ZNF131: variants seen among roughly 807,000 people sequenced by gnomAD.
ZNF131 encodes the protein zinc finger and BTB domain containing 35, also known as zinc finger protein 131.
In ZNF131, 7 loss-of-function variants were observed where a neutral mutation model predicts 60.0. That is an observed-to-expected ratio of 0.12 (90% confidence interval 0.07 to 0.22). The LOEUF is 0.22. Ranked by LOEUF, ZNF131 falls within the 10% of genes least tolerant of loss-of-function variation. The pLI is 1.00. For missense variants in ZNF131, 493 were observed against 740.9 expected, an observed-to-expected ratio of 0.67 and a Z score of 3.88; for synonymous variants, 257 against 253.2, an observed-to-expected ratio of 1.01 and a Z score of -0.14.
chr5:43,154,296 C>A (rs1274412186), intron 4 of ZNF131, among the ~76,000 whole-genome samples: 1 of 152,058 alleles, frequency 6.6e-6, no homozygotes, highest in African/African-American at 2.4e-5. Flanking sequence ...CACCTGTAAT[C>A]TCAGCTACTT....
chr5:43,168,506 A>T (rs189724161), intron 5 of ZNF131, among the ~76,000 whole-genome samples: 1 of 152,322 alleles, frequency 6.6e-6, no homozygotes, highest in East Asian at 1.9e-4. Context: ...CTTGGCCATC[A>T]TATGGGAGAT....
At chr5:43,129,216 A>C (rs1451921006) in intron 3 of ZNF131, among the ~76,000 whole-genome samples, 1 of 152,204 alleles carries the variant, frequency 6.6e-6, no homozygotes, top group East Asian at 1.9e-4. Context: ...TATTGCAGGC[A>C]TGAGCCACCA....
chr5:43,137,017 A>G (rs1312019131), intron 3 of ZNF131, among the ~76,000 whole-genome samples: 1 of 152,204 alleles, frequency 6.6e-6, no homozygotes, highest in Non-Finnish European at 1.5e-5. Context: ...ACATGAAAAA[A>G]GATGAAATTG....
chr5:43,141,093 T>C (rs1746768331), intron 4 of ZNF131, among the ~76,000 whole-genome samples: 1 of 152,160 alleles, frequency 6.6e-6, no homozygotes, highest in Admixed American at 6.5e-5. Flanking sequence ...TCCATAAATA[T>C]CATCTCTTAG....
At chr5:43,151,258 C>T (rs1174216842) in intron 4 of ZNF131, among the ~76,000 whole-genome samples, 1 of 152,124 alleles carries the variant, frequency 6.6e-6, no homozygotes, top group Non-Finnish European at 1.5e-5. Context: ...GGGAAAACTG[C>T]CCACGGGATG....
Position 43,136,476 on chromosome 5 carries a change from CTTTTT to C in ZNF131, c.227-2663_227-2659del, listed in dbSNP as rs70991484. Among the ~76,000 whole-genome samples, 595 of 69,972 alleles carry C rather than the reference CTTTTT, an allele frequency of 8.5e-3. 8 individuals carry two copies. Among genetic ancestry groups the C allele is most frequent in the African/African-American group, 0.031 (570 of 18,218 alleles). 45.9% of individuals were successfully genotyped at this position (69,972 alleles called of 152,430 possible). A position where few individuals can be genotyped will look rare whatever the true frequency, so the allele number is the denominator to read the frequency against. ...AAAGAACAAAGCTAGAGGCATCATA[CTTTTT>C]TTTTTTTTTTTTTTTTTTTTTTTTT... On this transcript the variant is annotated intron_variant, in intron 3 of 6. Coordinates refer to ENST00000682664, the MANE Select transcript of ZNF131 (RefSeq NM_001330707.2).
intron 4 of ZNF131, among the ~76,000 whole-genome samples, chr5:43,142,506 G>A (rs1234146847): frequency 4.6e-5 from 7 of 151,788 alleles, no homozygotes; most frequent in Admixed American, 2.0e-4. Flanking sequence ...GTGTTTCACC[G>A]TCTTGGCCAG....
chr5:43,142,079 C>CA lies in ZNF131; in HGVS notation c.371+2771dup, dbSNP rs1487137874. 2.0e-5 allele frequency among the ~76,000 whole-genome samples: 3 copies of CA among 151,544 alleles called. No individual in the cohort carries two copies. The East Asian group carries it at 6.0e-4, about 30-fold the overall frequency. ...TTTTTGGCCTGGGCACGGTGGCTCA[C>CA]ACCTGTAATCCCAGCACTTTGGAAG... On this transcript the variant is annotated intron_variant, in intron 4 of 6. Coordinates refer to ENST00000682664, the MANE Select transcript of ZNF131 (RefSeq NM_001330707.2).
At chr5:43,174,384 G>A (rs900556867) in intron 6 of ZNF131, 63 bp from the exon 7 acceptor site, 152 of 1,353,588 alleles carry the variant, frequency 1.1e-4, no homozygotes, top group Non-Finnish European at 1.5e-4. Context: ...GAGAATAAAT[G>A]CATTCATATT....
chr5:43,139,122 G>T, intron 3 of ZNF131, 43 bp from the exon 4 acceptor site: 1 of 1,428,332 alleles, frequency 7.0e-7, no homozygotes, highest in South Asian at 1.7e-5. Context: ...TGTAAGATTT[G>T]AGTCAATATG....
Position 43,147,740 on chromosome 5 carries a change from A to T in ZNF131, c.371+8431A>T, listed in dbSNP as rs76522884. On this transcript the variant is annotated intron_variant, in intron 4 of 6. Coordinates refer to ENST00000682664, the MANE Select transcript of ZNF131 (RefSeq NM_001330707.2). Reference sequence around the variant, plus strand: ...CCGGCCAGTTTGGAAGTTTAAAAAAAAAAAAAACAGTTTGGAAGTTTTTTG... The same window carrying T: ...CCGGCCAGTTTGGAAGTTTAAAAAATAAAAAAACAGTTTGGAAGTTTTTTG... 1.0e-2 allele frequency among the ~76,000 whole-genome samples: 1,512 copies of T among 151,382 alleles called. 102 individuals carry two copies. In the East Asian group the frequency reaches 0.18, roughly 18 times the overall value.
intron 3 of ZNF131, among the ~76,000 whole-genome samples, chr5:43,134,214 G>T (rs1745724911): frequency 6.6e-6 from 1 of 152,152 alleles, no homozygotes; most frequent in African/African-American, 2.4e-5. Flanking sequence ...TGCAAGGATA[G>T]TTCAACATAG....
chr5:43,157,290 T>G (rs1042774669), intron 4 of ZNF131, among the ~76,000 whole-genome samples: 5 of 152,330 alleles, frequency 3.3e-5, no homozygotes, highest in African/African-American at 1.2e-4. Context: ...AAGCATTATG[T>G]TCTCCCCTCA....
rs374035038 is a variant in ZNF131 at position 43,156,788 on chromosome 5, G to A, written c.372-4461G>A. Among the ~76,000 whole-genome samples the A allele has an allele frequency of 2.4e-4, 36 of 152,166 alleles. 1 individual carries two copies. The South Asian group carries it at 6.2e-3, about 26-fold the overall frequency. On this transcript the variant is annotated intron_variant, in intron 4 of 6. Coordinates refer to ENST00000682664, the MANE Select transcript of ZNF131 (RefSeq NM_001330707.2). The stretch of plus-strand genomic sequence containing the variant: ...GCAGTGGCTCACGCCCATAATCCTA[G>A]AACTTTGAGAGGCCAAGGTGGGAGG...
At chr5:43,134,323 C>A (rs1315400767) in intron 3 of ZNF131, among the ~76,000 whole-genome samples, 1 of 152,120 alleles carries the variant, frequency 6.6e-6, no homozygotes, top group Non-Finnish European at 1.5e-5. Flanking sequence ...AAATTTAATA[C>A]CCTTTCTCAG....
At chr5:43,159,828 T>C (rs866348174) in intron 4 of ZNF131, among the ~76,000 whole-genome samples, 68 of 152,222 alleles carry the variant, frequency 4.5e-4, no homozygotes, top group Admixed American at 6.5e-5. Context: ...AAATCTATTT[T>C]ATCAATTTTT....
In ZNF131 at chr5:43,162,942, T is replaced by A. The variant is rs369826945; in HGVS notation, c.1054+1011T>A. Among the ~76,000 whole-genome samples the A allele has an allele frequency of 5.6e-4, 60 of 107,916 alleles. No homozygotes were observed. The East Asian group carries it at 0.011, about 19-fold the overall frequency. The allele number at this position is 107,916 out of a possible 152,430, so 70.8% of individuals were successfully genotyped here. On this transcript the variant is annotated intron_variant, in intron 5 of 6. Transcript: ENST00000682664. ...AAAAAAAAAAAAGCAATCCCTGACATGTTTATACTTCTTTTCTTTTATTTG... is the reference window on the plus strand; with the variant it reads ...AAAAAAAAAAAAGCAATCCCTGACAAGTTTATACTTCTTTTCTTTTATTTG...
chr5:43,173,047 T>TA, intron 5 of ZNF131: 1 of 228,238 alleles, frequency 4.4e-6, no homozygotes, highest in Non-Finnish European at 8.5e-6. Context: ...ATAATTTTTT[T>TA]AAGAAGTGTA....
chr5:43,160,868 A>C (rs1285634083), intron 4 of ZNF131, among the ~76,000 whole-genome samples: 2 of 151,706 alleles, frequency 1.3e-5, no homozygotes, highest in African/African-American at 4.8e-5. Context: ...TTTAGTAGAG[A>C]CGAGATTTCC....
Sources: gnomAD v4.1 joint callset for allele counts (sites outside exome capture counted in the v4.1 genomes callset) on GRCh38, gnomAD v4.1.1 for gene constraint, MANE v1.5 for transcripts, NCBI Gene and HGNC (gene_info 2026-07-23, HGNC 2026-07-21) for gene names.